The following TCF12 variants were observed in gnomAD, a reference collection of about 807,000 sequenced individuals.
TCF12 encodes transcription factor 12.
In TCF12, 45 loss-of-function variants were observed where a neutral mutation model predicts 86.0. That is an observed-to-expected ratio of 0.52 (90% CI 0.41 to 0.67). The LOEUF is 0.67. Ranked by LOEUF, TCF12 falls within the 30% of genes least tolerant of loss-of-function variation. The pLI, the probability that TCF12 is intolerant of heterozygous loss-of-function variation, is 0.00. For missense variants in TCF12, 881 were observed against 859.9 expected (o/e 1.02, Z -0.31); for synonymous variants, 330 against 299.6 (o/e 1.10, Z -1.05).
At chr15:57,091,487 T>G (rs1470143013) in intron 4 of TCF12, among the ~76,000 whole-genome samples, 6 of 152,334 alleles carry the variant, frequency 3.9e-5, no homozygotes, top group African/African-American at 1.2e-4. Flanking sequence ...TACAGAATTC[T>G]TATAGCTCCC....
intron 3 of TCF12, among the ~76,000 whole-genome samples, chr15:57,059,033 T>G (rs1385170473): frequency 6.6e-6 from 1 of 152,248 alleles, no homozygotes; most frequent in African/African-American, 2.4e-5. Flanking sequence ...GATATAGCTA[T>G]CTCTAGTCAG....
At chr15:57,239,868 C>T (rs931657119) in intron 12 of TCF12, among the ~76,000 whole-genome samples, 47 of 152,180 alleles carry the variant, frequency 3.1e-4, no homozygotes, top group African/African-American at 1.0e-3. Context: ...CATAACTGCG[C>T]TTGAGATGAA....
At chr15:57,290,457 G>C (rs1380532953), downstream of TCF12, among the ~76,000 whole-genome samples, 2 of 152,136 alleles carry the variant, frequency 1.3e-5, no homozygotes, top group South Asian at 2.1e-4. Context: ...AGTTAGAAGG[G>C]TAAAGGATTT....
intron 3 of TCF12, among the ~76,000 whole-genome samples, chr15:57,027,689 C>T (rs756011494): frequency 3.0e-4 from 45 of 152,026 alleles, no homozygotes; most frequent in African/African-American, 4.3e-4. Context: ...ATGGTTTGGC[C>T]GTGTCCCCAC....
chr15:57,091,988 A>G, intron 5 of TCF12, 97 bp downstream of exon 5: 2 of 986,190 alleles, frequency 2.0e-6, no homozygotes, highest in Non-Finnish European at 3.1e-6. Flanking sequence ...AAGTATCTAG[A>G]AGAAAGTTCT....
At chr15:57,219,598 T>A in intron 8 of TCF12, 1 of 1,609,608 alleles carries the variant, frequency 6.2e-7, no homozygotes, top group Non-Finnish European at 8.5e-7. Context: ...ACGGTAAGCC[T>A]TTTTCTTTGT....
At chr15:57,264,538 T>C (rs1271261998) in intron 18 of TCF12, among the ~76,000 whole-genome samples, 1 of 151,924 alleles carries the variant, frequency 6.6e-6, no homozygotes, top group Admixed American at 6.6e-5. Context: ...TTTTGTGGTT[T>C]TTTGTTTGTT....
intron 6 of TCF12, among the ~76,000 whole-genome samples, chr15:57,167,023 C>T (rs1233820676): frequency 2.0e-5 from 3 of 152,130 alleles, no homozygotes; most frequent in Admixed American, 1.3e-4. Flanking sequence ...ACACAATTCA[C>T]CTGCAGATTC....
chr15:57,186,306 C>G (rs1386772716), intron 6 of TCF12, among the ~76,000 whole-genome samples: 1 of 152,110 alleles, frequency 6.6e-6, no homozygotes, highest in Non-Finnish European at 1.5e-5. Context: ...CAAGACCACC[C>G]TGGGCAATGT....
intron 16 of TCF12, among the ~76,000 whole-genome samples, chr15:57,254,449 AC>A (rs2060253920): frequency 6.6e-6 from 1 of 151,980 alleles, no homozygotes; most frequent in Non-Finnish European, 1.5e-5. Context: ...AACATTAGAT[AC>A]CTGTTTTGTG....
chr15:56,971,218 G>GT (rs1396107100), intron 3 of TCF12, among the ~76,000 whole-genome samples: 1 of 151,708 alleles, frequency 6.6e-6, no homozygotes, highest in Non-Finnish European at 1.5e-5. Flanking sequence ...GAAGTCAGGA[G>GT]TTCAAGAACA....
At chr15:56,922,134 AG>A (rs2059822604) in intron 3 of TCF12, among the ~76,000 whole-genome samples, 1 of 151,738 alleles carries the variant, frequency 6.6e-6, no homozygotes, top group South Asian at 2.1e-4. Flanking sequence ...CTTTTTGGGG[AG>A]GGGGGAGAAA....
chr15:57,105,772 C>T (rs2050095995), intron 5 of TCF12, among the ~76,000 whole-genome samples: 1 of 152,146 alleles, frequency 6.6e-6, no homozygotes, highest in African/African-American at 2.4e-5. Flanking sequence ...GAACAAGTCA[C>T]TTAGAGTCTT....
intron 3 of TCF12, among the ~76,000 whole-genome samples, chr15:56,933,845 G>A (rs903802328): frequency 6.6e-6 from 1 of 151,782 alleles, no homozygotes; most frequent in South Asian, 2.1e-4. Flanking sequence ...GTGACTGAGA[G>A]GAACACTAGC....
chr15:57,180,036 C>A (rs1484621794), intron 6 of TCF12, among the ~76,000 whole-genome samples: 2 of 152,156 alleles, frequency 1.3e-5, no homozygotes, highest in African/African-American at 4.8e-5. Context: ...AATTCTTTAA[C>A]AACATGCTGA....
At chr15:57,041,247 G>A (rs1352958142) in intron 3 of TCF12, among the ~76,000 whole-genome samples, 1 of 152,204 alleles carries the variant, frequency 6.6e-6, no homozygotes, top group Non-Finnish European at 1.5e-5. Context: ...TTAGCTCTGA[G>A]TGCTGGGGTC....
Position 57,270,847 on chromosome 15 carries a change from G to A in TCF12, c.1746-2183G>A, listed in dbSNP as rs150298288. Among the ~76,000 whole-genome samples, 1,122 of 152,288 alleles carry A rather than the reference G, an allele frequency of 7.4e-3. 14 individuals carry two copies. The highest frequency in any genetic ancestry group is 0.026 in the African/African-American group (1,072 of 41,566). ...CTCAGCTGCACATCTGTTGGAGTTT[G>A]CTGGAGGTCCACTCCAGACCCTCTT... On this transcript the variant is annotated intron_variant, in intron 18 of 20. Transcript: ENST00000333725.
chr15:57,183,695 T>G (rs182077533), intron 6 of TCF12, among the ~76,000 whole-genome samples: 215 of 152,226 alleles, frequency 1.4e-3, no homozygotes, highest in Non-Finnish European at 2.5e-3. Context: ...AAAATGAAAC[T>G]GAGTTTTTTG....
At chr15:56,934,833 A>G (rs533951213) in intron 3 of TCF12, among the ~76,000 whole-genome samples, 1 of 152,130 alleles carries the variant, frequency 6.6e-6, no homozygotes, top group Non-Finnish European at 1.5e-5. Flanking sequence ...TGTGGCCTTC[A>G]TAGGAGCTAT....
Sources: allele counts gnomAD v4.1 joint callset (sites outside exome capture counted in the v4.1 genomes callset), GRCh38; gene constraint gnomAD v4.1.1; transcripts MANE v1.5; gene names NCBI Gene and HGNC (gene_info 2026-07-23, HGNC 2026-07-21).